Variants in CCDC7 observed in about 807,000 individuals in gnomAD.
CCDC7 encodes the protein coiled-coil domain containing 7.
CCDC7 carries 183 observed loss-of-function variants against 196.9 expected under a neutral mutation model. The observed-to-expected ratio is 0.93, with a 90% confidence interval of 0.82 to 1.05. The LOEUF (loss-of-function observed/expected upper bound fraction) is 1.05. Among genes scored for constraint, CCDC7 ranks in the 50% least tolerant of loss-of-function variants. The pLI is 0.00. For synonymous variants in CCDC7, 525 were observed against 484.6 expected (o/e 1.08, Z -1.10); for missense variants, 1,540 against 1,482.2 (o/e 1.04, Z -0.64).
chr10:32,692,359 G>C (rs1486866503), intron 23 of CCDC7, among the ~76,000 whole-genome samples: 1 of 152,224 alleles, frequency 6.6e-6, no homozygotes, highest in African/African-American at 2.4e-5. Context: ...ATGTGAATCA[G>C]AGGATAAAGA....
rs537909825 is a variant in CCDC7 at position 32,749,674 on chromosome 10, C to T, written c.2905+20217C>T. Among the ~76,000 whole-genome samples, 19 of 152,184 alleles carry T rather than the reference C, an allele frequency of 1.2e-4. 1 individual carries two copies. In the South Asian group the frequency reaches 2.7e-3, roughly 22 times the overall value. Reference sequence around the variant, plus strand: ...TAGTTTGTCTTTCTTTTATAGTGAACTACAAAAGTATCTCTTGTTCAGAAC... The same window carrying T: ...TAGTTTGTCTTTCTTTTATAGTGAATTACAAAAGTATCTCTTGTTCAGAAC... On this transcript the variant is annotated intron_variant, in intron 28 of 41. Coordinates refer to ENST00000639629, the Ensembl canonical transcript of CCDC7.
intron 28 of CCDC7, among the ~76,000 whole-genome samples, chr10:32,776,158 C>T (rs1332931166): frequency 6.8e-6 from 1 of 147,966 alleles, no homozygotes. Context: ...GGAGGGATAG[C>T]ACTGGGAGAT....
intron 28 of CCDC7, among the ~76,000 whole-genome samples, chr10:32,773,609 T>G (rs1330666838): frequency 6.6e-6 from 1 of 152,206 alleles, no homozygotes; most frequent in Non-Finnish European, 1.5e-5. Flanking sequence ...TGTATTTTTT[T>G]GTAATTCCTT....
chr10:32,777,946 ATGTG>A (rs1232624303), intron 28 of CCDC7, among the ~76,000 whole-genome samples: 12 of 152,190 alleles, frequency 7.9e-5, no homozygotes, highest in African/African-American at 2.7e-4. Flanking sequence ...ATGATTAGTG[ATGTG>A]GAGCATTTTT....
intron 21 of CCDC7, among the ~76,000 whole-genome samples, chr10:32,676,306 A>C (rs1195978977): frequency 4.0e-5 from 6 of 151,822 alleles, no homozygotes; most frequent in Non-Finnish European, 5.9e-5. Flanking sequence ...GGACATAGGC[A>C]TGGGCACGGA....
At chr10:32,482,768 G>A (rs1323821622) in intron 8 of CCDC7, among the ~76,000 whole-genome samples, 2 of 151,980 alleles carry the variant, frequency 1.3e-5, no homozygotes, top group African/African-American at 4.8e-5. Flanking sequence ...TTGTCCTTGC[G>A]ATAGTTTGCT....
Position 32,493,035 on chromosome 10 carries a change from G to A in CCDC7, c.872+1038G>A, listed in dbSNP as rs140443918. 7.3e-3 allele frequency among the ~76,000 whole-genome samples: 1,107 copies of A among 151,892 alleles called. 14 individuals carry two copies. Among genetic ancestry groups the A allele is most frequent in the African/African-American group, 0.025 (1,053 of 41,442 alleles). ...ATACCTTGTGGAATCGCTAAATCAA[G>A]CTATGTAACAGACCCAAAATCCTCA... On this transcript the variant is annotated intron_variant, in intron 9 of 41. Coordinates refer to ENST00000639629, the Ensembl canonical transcript of CCDC7.
At position 32,803,671 on chromosome 10, in the gene CCDC7, G is replaced by T. The variant is rs184288386; in HGVS notation, c.3014-1344G>T. Reference sequence around the variant, plus strand: ...GTAGGCATCATATAGTTGCTTCTTGGTTTTTTGTTATCAATTCTGTCTGTC... The same window carrying T: ...GTAGGCATCATATAGTTGCTTCTTGTTTTTTTGTTATCAATTCTGTCTGTC... On this transcript the variant is annotated intron_variant, in intron 29 of 41. Coordinates refer to ENST00000639629, the Ensembl canonical transcript of CCDC7. 1.5e-3 allele frequency among the ~76,000 whole-genome samples: 232 copies of T among 152,114 alleles called. 1 individual carries two copies. The highest frequency in any genetic ancestry group is 4.4e-4 in the Non-Finnish European group (30 of 67,970).
At chr10:32,621,413 C>G (rs1315979494) in intron 18 of CCDC7, among the ~76,000 whole-genome samples, 1 of 152,162 alleles carries the variant, frequency 6.6e-6, no homozygotes, top group Admixed American at 6.5e-5. Flanking sequence ...GCTGCCACCA[C>G]TGTATTAGTC....
At chr10:32,817,933 C>T (rs148476441) in intron 31 of CCDC7, among the ~76,000 whole-genome samples, 6,937 of 152,192 alleles carry the variant, frequency 0.046, 532 homozygotes, top group African/African-American at 0.16. Flanking sequence ...CATCAACTAA[C>T]GAGCAAAATA....
chr10:32,760,647 A>G (rs1321716658), intron 28 of CCDC7, among the ~76,000 whole-genome samples: 1 of 152,076 alleles, frequency 6.6e-6, no homozygotes, highest in African/African-American at 2.4e-5. Context: ...CTAATGCTAA[A>G]TGATGAATTA....
At chr10:32,707,808 A>G (rs1324844493) in intron 24 of CCDC7, among the ~76,000 whole-genome samples, 4 of 152,184 alleles carry the variant, frequency 2.6e-5, no homozygotes, top group African/African-American at 9.7e-5. Flanking sequence ...ACCACTGCTC[A>G]ATGAAATAAA....
intron 28 of CCDC7, among the ~76,000 whole-genome samples, chr10:32,737,780 A>G (rs2085115415): frequency 6.6e-6 from 1 of 152,064 alleles, no homozygotes; most frequent in African/African-American, 2.4e-5. Context: ...ATGTCCCTCC[A>G]TGTCTCTGAT....
chr10:32,538,005 A>G (rs574806266), intron 11 of CCDC7, among the ~76,000 whole-genome samples: 1 of 152,242 alleles, frequency 6.6e-6, no homozygotes, highest in South Asian at 2.1e-4. Context: ...GCATTTTAGA[A>G]TAGTTTTTTC....
chr10:32,734,082 A>G (rs182664797), intron 28 of CCDC7, among the ~76,000 whole-genome samples: 1 of 152,342 alleles, frequency 6.6e-6, no homozygotes, highest in East Asian at 1.9e-4. Context: ...TACTGGGTAT[A>G]TACCCAGAGG....
rs929535919 is a variant in CCDC7 at position 32,557,967 on chromosome 10, A to G, written c.1135-7591A>G. On this transcript the variant is annotated intron_variant, in intron 13 of 41. Transcript: ENST00000639629. ...CTTGGCCTCCTGAAATGCTGGGATT[A>G]TAGGTGTGGGCATGCATTTTTTATA... Among the ~76,000 whole-genome samples the G allele has an allele frequency of 3.3e-5, 5 of 152,294 alleles. No homozygotes were observed. In the East Asian group the frequency reaches 9.6e-4, roughly 29 times the overall value.
At chr10:32,759,850 C>A (rs2133809099) in intron 28 of CCDC7, among the ~76,000 whole-genome samples, 1 of 152,152 alleles carries the variant, frequency 6.6e-6, no homozygotes, top group African/African-American at 2.4e-5. Context: ...ACTCTTCTGA[C>A]AAAGGGCTAA....
At chr10:32,816,840 C>A (rs551898627) in intron 31 of CCDC7, among the ~76,000 whole-genome samples, 1 of 152,260 alleles carries the variant, frequency 6.6e-6, no homozygotes, top group Non-Finnish European at 1.5e-5. Flanking sequence ...ATCTATGCAT[C>A]ACCATCATCA....
At chr10:32,829,254 C>T (rs2091838131) in intron 32 of CCDC7, among the ~76,000 whole-genome samples, 1 of 152,116 alleles carries the variant, frequency 6.6e-6, no homozygotes, top group Non-Finnish European at 1.5e-5. Context: ...AGGTTTGGGT[C>T]ACTCCACCGG....
Sources: gnomAD v4.1 joint callset for allele counts (sites outside exome capture counted in the v4.1 genomes callset) on GRCh38, gnomAD v4.1.1 for gene constraint, MANE v1.5 for transcripts, NCBI Gene and HGNC (gene_info 2026-07-23, HGNC 2026-07-21) for gene names.